IDUA: variants seen among roughly 807,000 people sequenced by gnomAD.
The protein encoded by IDUA is alpha-L-iduronidase.
Under a neutral mutation model 68.9 loss-of-function variants are expected in IDUA, and 65 were observed. That is an observed-to-expected ratio of 0.94 (90% CI 0.77 to 1.16). The LOEUF is 1.16. IDUA is among the 50% of genes most tolerant of loss of function. The pLI is 0.00. For missense variants in IDUA, 1,046 were observed against 938.0 expected, an observed-to-expected ratio of 1.12 and a Z score of -1.50; for synonymous variants, 529 against 433.6, an observed-to-expected ratio of 1.22 and a Z score of -2.73.
intron 2 of IDUA, chr4:992,889 G>C (rs1577524734): frequency 6.6e-6 from 1 of 152,190 alleles, no homozygotes. Context: ...CAGGACACCA[G>C]GTGCCCAGGA....
In IDUA at chr4:1,004,388, C is replaced by T. The variant is rs970991915; in HGVS notation, c.1957C>T (p.Pro653Ser). 2.5e-6 allele frequency: 4 copies of T among 1,610,342 alleles called. No individual in the cohort carries two copies. The highest frequency in any genetic ancestry group is 1.9e-4 in the Middle Eastern group (1 of 5,218). ...AAGAGGGCCCCCATCCCCGGGCAATCCATGAGCCTGTGCTGAGCCCCAGTG... is the reference window on the plus strand; with the variant it reads ...AAGAGGGCCCCCATCCCCGGGCAATTCATGAGCCTGTGCTGAGCCCCAGTG... ...VPRGPPSPGN[P>S] The change falls in exon 14 of 14, where the codon CCA becomes TCA. Residue 653 changes from proline (P) to serine (S), a missense_variant. Pro to Ser is a moderately conservative substitution (Grantham distance 74). Coordinates refer to ENST00000514224, the MANE Select transcript of IDUA (RefSeq NM_000203.5). The surrounding 1 kb of genome is among the most constrained non-coding windows in gnomAD (Gnocchi z 5.0).
intron 2 of IDUA, chr4:990,462 G>A: frequency 7.6e-6 from 9 of 1,177,720 alleles, no homozygotes; most frequent in Non-Finnish European, 9.4e-6. Context: ...CACGGCACAG[G>A]ACCTGACAAT....
At chr4:987,027 C>T (rs920124363), upstream of IDUA, 1 of 1,500,446 alleles carries the variant, frequency 6.7e-7, no homozygotes, top group Non-Finnish European at 8.9e-7. Flanking sequence ...AGACTCCGAC[C>T]CGGAGGCGGA....
At position 1,003,163 on chromosome 4, in the gene IDUA, TGGGCCGCGGAGGGGCGAG is replaced by T; in HGVS notation, c.1524+13_1524+30del. On this transcript the variant is annotated splice_region_variant and intron_variant, in intron 10 of 13. Coordinates refer to ENST00000514224, the MANE Select transcript of IDUA (RefSeq NM_000203.5). Reference sequence around the variant, plus strand: ...GGCGCATGCGCGCGGCTGAGGTAGGTGGGCCGCGGAGGGGCGAGGGGCCGGGCCGGGCCGGGGTCCCGG... The same window carrying T: ...GGCGCATGCGCGCGGCTGAGGTAGGTGGGCCGGGCCGGGCCGGGGTCCCGG... 1 of 1,056,696 alleles carries T rather than the reference TGGGCCGCGGAGGGGCGAG, an allele frequency of 9.5e-7. No individual in the cohort carries two copies. Among genetic ancestry groups the T allele is most frequent in the South Asian group, 2.3e-5 (1 of 43,604 alleles). 65.5% of individuals were successfully genotyped at this position (1,056,696 alleles called of 1,614,324 possible).
At chr4:991,217 T>C in intron 2 of IDUA, 2 of 1,609,516 alleles carry the variant, frequency 1.2e-6, no homozygotes, top group Non-Finnish European at 1.7e-6. Context: ...GCCGAGCCGT[T>C]GAGGGTGCTG....
At chr4:998,783 AC>A (rs148444493) in intron 2 of IDUA, among the ~76,000 whole-genome samples, 4 of 120,756 alleles carry the variant, frequency 3.3e-5, no homozygotes, top group South Asian at 2.9e-4. Context: ...CGACCCCCCG[AC>A]CCCCCACCTC....
At chr4:988,342 A>C in intron 2 of IDUA, 1 of 1,083,414 alleles carries the variant, frequency 9.2e-7, no homozygotes, top group Non-Finnish European at 1.1e-6. Context: ...TGTGAGGGGG[A>C]GGCACGAGGT....
At chr4:1,002,224 G>A (rs6831021) in intron 7 of IDUA, 45 bp from the exon 8 acceptor site, 9 of 1,579,760 alleles carry the variant, frequency 5.7e-6, no homozygotes, top group Admixed American at 1.8e-5. Flanking sequence ...GGACAGGCGA[G>A]CGGTGGCCGC....
chr4:1,001,401 C>A, intron 4 of IDUA, 67 bp from the exon 5 acceptor site: 1 of 1,332,048 alleles, frequency 7.5e-7, no homozygotes, highest in South Asian at 1.2e-5. Context: ...ACCTTGCACC[C>A]TCCCTCCGTG....
At position 989,861 on chromosome 4, in the gene IDUA, C is replaced by T. The variant is rs751975511; in HGVS notation, c.299+1912C>T. 7.6e-6 allele frequency: 12 copies of T among 1,576,616 alleles called. No homozygotes were observed. The African/African-American group carries it at 1.6e-4, about 21-fold the overall frequency. ...CCGTGACTGCGGGCGAACATCTCCG[C>T]CAGCGAGATGGAGAAGGCGGCAGCC... On this transcript the variant is annotated intron_variant, in intron 2 of 13. Transcript: ENST00000514224.
intron 2 of IDUA, chr4:992,279 C>G (rs533347658): frequency 1.0e-4 from 45 of 443,428 alleles, no homozygotes; most frequent in Admixed American, 8.8e-4. Flanking sequence ...CAGAGCCCTC[C>G]CTCCCCCATC....
chr4:1,000,619 A>C lies in IDUA; in HGVS notation c.307A>C (p.Thr103Pro). Residue 103 changes from threonine to proline, a missense_variant, in exon 3 of 14, where the codon ACT becomes CCT. Transcript: ENST00000514224. Reference sequence around the variant, plus strand: ...CTGACCGTCCTTCTGCAGGGGGTCCACTGGACGGGGCCTGAGCTACAACTT... The same window carrying C: ...CTGACCGTCCTTCTGCAGGGGGTCCCCTGGACGGGGCCTGAGCTACAACTT... The part of the protein sequence containing the change: ...LLELVTTRGS[T>P]GRGLSYNFTH... The C allele has an allele frequency of 6.2e-7, 1 of 1,612,306 alleles. No individual in the cohort carries two copies. The highest frequency in any genetic ancestry group is 2.2e-5 in the East Asian group (1 of 44,874).
At chr4:997,013 C>T (rs1577531740) in intron 2 of IDUA, among the ~76,000 whole-genome samples, 2 of 152,210 alleles carry the variant, frequency 1.3e-5, no homozygotes, top group South Asian at 2.1e-4. Context: ...TTGTGTCACA[C>T]GCTTACTTCC....
chr4:1,004,059 A>C lies in IDUA; in HGVS notation c.1775A>C (p.Tyr592Ser). The C allele has an allele frequency of 6.2e-7, 1 of 1,611,658 alleles. No individual in the cohort carries two copies. The highest frequency in any genetic ancestry group is 1.6e-4 in the Middle Eastern group (1 of 6,062). The change falls in exon 13 of 14, where the codon TAC becomes TCC. Residue 592 changes from tyrosine to serine, a missense_variant. Physicochemically the swap from Tyr to Ser is moderately radical, Grantham distance 144. Coordinates refer to ENST00000514224, the MANE Select transcript of IDUA (RefSeq NM_000203.5). The surrounding 1 kb of genome is among the most constrained non-coding windows in gnomAD (Gnocchi z 5.0). Reference protein sequence around the residue: ...EIQFSQDGKAYTPVSRKPSTF... With the variant: ...EIQFSQDGKASTPVSRKPSTF... ...CAGTTCTCTCAGGACGGTAAGGCGT[A>C]CACCCCGGTCAGCAGGAAGCCATCG...
In IDUA at chr4:991,364, G is replaced by C. The variant is rs751317363; in HGVS notation, c.299+3415G>C. 8.1e-6 allele frequency: 13 copies of C among 1,612,894 alleles called. No homozygotes were observed. The Admixed American group carries it at 1.3e-4, about 17-fold the overall frequency. The stretch of plus-strand genomic sequence containing the variant: ...GAGACATGCCGTGAGGTGCCCATGA[G>C]GAAGTAGATGAGGTTGGCGAAGAAG... On this transcript the variant is annotated intron_variant, in intron 2 of 13. Transcript: ENST00000514224.
At chr4:992,104 A>G (rs1271941295) in intron 2 of IDUA, 8 of 496,900 alleles carry the variant, frequency 1.6e-5, no homozygotes, top group Admixed American at 9.2e-5. Flanking sequence ...CACCTCCCCA[A>G]CGGGGCAGGA....
rs768841506 is a variant in IDUA, at chr4:1,002,424, G to T, written c.1128G>T (p.Pro376=). 1 of 1,573,574 alleles carries T rather than the reference G, an allele frequency of 6.4e-7. No homozygotes were observed. Among genetic ancestry groups the T allele is most frequent in the Non-Finnish European group, 8.6e-7 (1 of 1,161,734 alleles). The change falls in exon 8 of 14, where the codon CCG becomes CCT. Residue 376 remains proline (P), a synonymous_variant. Transcript: ENST00000514224. ...TARFQVNNTR[P]PHVQLLRKPV... ...GCTTCCAGGTCAACAACACCCGCCC[G>T]CCGCACGTGCAGCTGTTGCGCAAGC...
At chr4:998,783 A>ACCCCCCCACCCCCCCCCCCCCCCCC (rs148444493) in intron 2 of IDUA, among the ~76,000 whole-genome samples, 1 of 120,756 alleles carries the variant, frequency 8.3e-6, no homozygotes, top group Non-Finnish European at 1.7e-5. Context: ...CGACCCCCCG[A>ACCCCCCCACCCCCCCCCCCCCCCCC]CCCCCCACCT....
At chr4:1,002,241 C>G (rs1189183487) in intron 7 of IDUA, 28 bp from the exon 8 acceptor site, 2 of 1,597,578 alleles carry the variant, frequency 1.3e-6, no homozygotes, top group Non-Finnish European at 8.5e-7. Flanking sequence ...CCGCGCCACC[C>G]GGTCCCAGCT....
Sources: allele counts gnomAD v4.1 joint callset (sites outside exome capture counted in the v4.1 genomes callset), GRCh38; gene constraint gnomAD v4.1.1; non-coding constraint Gnocchi (gnomAD v3.1); transcripts MANE v1.5; gene names NCBI Gene and HGNC (gene_info 2026-07-23, HGNC 2026-07-21).